The following MTCH2 variants were observed in gnomAD, a reference collection of about 807,000 sequenced individuals.
MTCH2 encodes the protein mitochondrial carrier 2.
MTCH2 carries 25 observed loss-of-function variants against 50.6 expected under a neutral mutation model. That is an observed-to-expected ratio of 0.49 (90% CI 0.36 to 0.69). MTCH2 has a LOEUF of 0.69. Among genes scored for constraint, MTCH2 ranks in the 30% least tolerant of loss-of-function variants. MTCH2 has a pLI of 0.00. For missense variants in MTCH2, 273 were observed against 384.4 expected (o/e 0.71, Z 2.42); for synonymous variants, 106 against 132.0 (o/e 0.80, Z 1.35).
chr11:47,639,184 G>T, intron 1 of MTCH2, 133 bp from the exon 2 acceptor site: 1 of 738,906 alleles, frequency 1.4e-6, no homozygotes, highest in Non-Finnish European at 2.2e-6. Context: ...GTTTTCCAAG[G>T]CAATGATGAA....
intron 9 of MTCH2, 74 bp downstream of exon 9, chr11:47,628,879 A>C: frequency 7.2e-7 from 1 of 1,387,070 alleles, no homozygotes; most frequent in South Asian, 1.2e-5. Flanking sequence ...CGCCCGGCCC[A>C]TCTTACTTTA....
chr11:47,611,155 G>A, the MTCH2 span, among the ~76,000 whole-genome samples: 31,259 of 152,214 alleles, frequency 0.21, 3,720 homozygotes, highest in East Asian at 0.3. Context: ...AGGACAGGGA[G>A]ATTATAGGCC....
chr11:47,619,287 A>G (rs553007962), intron 12 of MTCH2, among the ~76,000 whole-genome samples: 1 of 152,236 alleles, frequency 6.6e-6, no homozygotes, highest in East Asian at 1.9e-4. Flanking sequence ...CCCAGGCTGT[A>G]GTGCAGTGGT....
chr11:47,632,658 G>A (rs1342644507), intron 5 of MTCH2, among the ~76,000 whole-genome samples: 2 of 150,828 alleles, frequency 1.3e-5, no homozygotes, highest in East Asian at 2.0e-4. Flanking sequence ...GTGCCTGGCC[G>A]GCTTTTGCAT....
rs546107960 is a variant in MTCH2, at chr11:47,631,531, A to G, written c.427+123T>C. On this transcript the variant is annotated intron_variant, in intron 6 of 12. Coordinates refer to ENST00000302503, the MANE Select transcript of MTCH2 (RefSeq NM_014342.4). ...ATCTGGATAAATTGGATAAAAGCCAAAACAAGCAAGCAAACAAAAACATGC... is the reference window on the plus strand; with the variant it reads ...ATCTGGATAAATTGGATAAAAGCCAGAACAAGCAAGCAAACAAAAACATGC... 1.1e-4 allele frequency: 102 copies of G among 944,248 alleles called. No individual in the cohort carries two copies. The African/African-American group carries it at 1.4e-3, about 13-fold the overall frequency. 58.5% of individuals were successfully genotyped at this position (944,248 alleles called of 1,614,324 possible).
chr11:47,618,922 G>A lies in MTCH2; in HGVS notation c.826-3C>T, dbSNP rs767358492. 1 of 1,403,448 alleles carries A rather than the reference G, an allele frequency of 7.1e-7. No individual in the cohort carries two copies. The highest frequency in any genetic ancestry group is 9.3e-7 in the Non-Finnish European group (1 of 1,071,912). 86.9% of individuals were successfully genotyped at this position (1,403,448 alleles called of 1,614,324 possible). A position where few individuals can be genotyped will look rare whatever the true frequency, so the allele number is the denominator to read the frequency against. On this transcript the variant is annotated splice_region_variant and splice_polypyrimidine_tract_variant and intron_variant, in intron 12 of 12. Transcript: ENST00000302503. The stretch of plus-strand genomic sequence containing the variant: ...CTATTTCCTCGGCTCATATTCCCCT[G>A]GAAAACAAAACAAAACAAAACACAA...
chr11:47,631,862 G>A, intron 5 of MTCH2, 151 bp from the exon 6 acceptor site: 1 of 664,856 alleles, frequency 1.5e-6, no homozygotes, highest in East Asian at 2.8e-5. Context: ...GTTTGAATGG[G>A]ATGTGAAAGA....
chr11:47,618,363 G>T lies in MTCH2; in HGVS notation c.*470C>A. ...TGAAATGTGCTTAGAAGCATAATGGGAGTCAGATTCTGGTGCATGCTACTG... is the reference window on the plus strand; with the variant it reads ...TGAAATGTGCTTAGAAGCATAATGGTAGTCAGATTCTGGTGCATGCTACTG... On this transcript the variant is annotated 3_prime_UTR_variant, in exon 13 of 13. Coordinates refer to ENST00000302503, the MANE Select transcript of MTCH2 (RefSeq NM_014342.4). The T allele has an allele frequency of 4.8e-6, 1 of 209,732 alleles. No individual in the cohort carries two copies. Among genetic ancestry groups the T allele is most frequent in the Non-Finnish European group, 9.4e-6 (1 of 106,350 alleles). 13.0% of individuals were successfully genotyped at this position (209,732 alleles called of 1,614,324 possible).
At chr11:47,620,992 G>A (rs891025301) in intron 12 of MTCH2, among the ~76,000 whole-genome samples, 7 of 152,312 alleles carry the variant, frequency 4.6e-5, no homozygotes, top group South Asian at 4.1e-4. Flanking sequence ...GTTTGACACC[G>A]TAATCCATTC....
chr11:47,634,684 G>C lies in MTCH2; in HGVS notation c.357C>G (p.His119Gln), dbSNP rs75020795. Reference protein sequence around the residue: ...VQKEVSSSFDHVIKETTREMI... With the variant: ...VQKEVSSSFDQVIKETTREMI... ...ATTCATCTCTTACCTCCTTGATAAC[G>C]TGGTCAAAGGAAGATGAGACTTCTT... Residue 119 changes from histidine to glutamine, a missense_variant, in exon 5 of 13, where the codon CAC (histidine) becomes CAG (glutamine). His to Gln is a conservative substitution (Grantham distance 24). Around this residue, in one of 2 missense-constraint regions of MTCH2, gnomAD observed 203 missense variants for 244.3 expected, o/e 0.83. Coordinates refer to ENST00000302503, the MANE Select transcript of MTCH2 (RefSeq NM_014342.4). The C allele has an allele frequency of 1.1e-3, 1,748 of 1,610,076 alleles. 1 individual carries two copies. Among genetic ancestry groups the C allele is most frequent in the Non-Finnish European group, 1.4e-3 (1,658 of 1,177,388 alleles).
downstream of MTCH2, among the ~76,000 whole-genome samples, chr11:47,616,361 TTTTTC>T (rs2097288406): frequency 6.6e-6 from 1 of 152,048 alleles, no homozygotes. Context: ...CCTACTTTTC[TTTTTC>T]TTTTTTTTAA....
At chr11:47,616,532 G>C (rs896628174), downstream of MTCH2, among the ~76,000 whole-genome samples, 1 of 151,438 alleles carries the variant, frequency 6.6e-6, no homozygotes, top group African/African-American at 2.4e-5. Context: ...TAGATATATT[G>C]GCCAGGCTGG....
intron 1 of MTCH2, 28 bp from the exon 2 acceptor site, chr11:47,639,079 T>C: frequency 6.4e-7 from 1 of 1,551,762 alleles, no homozygotes; most frequent in African/African-American, 1.4e-5. Flanking sequence ...TATATCAATA[T>C]TAAAGCAATA....
At chr11:47,640,055 G>A (rs549534594) in intron 1 of MTCH2, among the ~76,000 whole-genome samples, 5 of 152,084 alleles carry the variant, frequency 3.3e-5, no homozygotes, top group East Asian at 2.0e-4. Context: ...CTGGGCTGGC[G>A]TGGTGGCTCA....
intron 11 of MTCH2, among the ~76,000 whole-genome samples, chr11:47,623,850 G>C (rs370630547): frequency 1.3e-5 from 2 of 151,874 alleles, no homozygotes; most frequent in Admixed American, 6.6e-5. Context: ...TCAGGAGTTC[G>C]AGACCAGCCT....
chr11:47,608,984 G>T, the MTCH2 span, among the ~76,000 whole-genome samples: 250 of 146,096 alleles, frequency 1.7e-3, 1 homozygote, highest in Middle Eastern at 0.015. Context: ...AAAAAGTAGG[G>T]TGTGGTGGTG....
downstream of MTCH2, among the ~76,000 whole-genome samples, chr11:47,615,325 A>G (rs559627972): frequency 4.0e-4 from 61 of 152,310 alleles, 1 homozygote; most frequent in South Asian, 0.012. Flanking sequence ...ATCAGAGAGA[A>G]GTAATGCTCC....
At chr11:47,633,403 C>G (rs551488637) in intron 5 of MTCH2, among the ~76,000 whole-genome samples, 3 of 148,992 alleles carry the variant, frequency 2.0e-5, no homozygotes, top group Non-Finnish European at 3.0e-5. Context: ...AGCCACCACG[C>G]CCGGCCGTAT....
intron 11 of MTCH2, among the ~76,000 whole-genome samples, chr11:47,623,257 G>A (rs1327016850): frequency 6.6e-6 from 1 of 151,666 alleles, no homozygotes; most frequent in African/African-American, 2.4e-5. Context: ...CTGTAATCCC[G>A]GCTACTTGGG....
Sources: gnomAD v4.1 joint callset for allele counts (sites outside exome capture counted in the v4.1 genomes callset) on GRCh38, gnomAD v4.1.1 for gene constraint, gnomAD v4.1.1 regional missense constraint, MANE v1.5 for transcripts, NCBI Gene and HGNC (gene_info 2026-07-23, HGNC 2026-07-21) for gene names.